ALG8: variants seen among roughly 807,000 people sequenced by gnomAD.
ALG8 encodes the protein dolichyl pyrophosphate Glc1Man9GlcNAc2 alpha-1,3-glucosyltransferase.
In ALG8, 48 loss-of-function variants were observed where a neutral mutation model predicts 70.2. That is an observed-to-expected ratio of 0.68 (90% confidence interval 0.54 to 0.87). The LOEUF is 0.87. Among genes scored for constraint, ALG8 ranks in the 40% least tolerant of loss-of-function variants. ALG8 has a pLI of 0.00. For missense variants in ALG8, 572 were observed against 608.7 expected, an observed-to-expected ratio of 0.94 and a Z score of 0.64; for synonymous variants, 234 against 229.0, an observed-to-expected ratio of 1.02 and a Z score of -0.20.
intron 1 of ALG8, among the ~76,000 whole-genome samples, chr11:78,133,900 CAAA>C (rs59434881): frequency 7.8e-6 from 1 of 127,740 alleles, no homozygotes; most frequent in Non-Finnish European, 1.7e-5. Context: ...GACTCCGTCT[CAAA>C]AAAAAAAAAA....
chr11:78,111,853 T>C (rs1210525334), intron 8 of ALG8, among the ~76,000 whole-genome samples: 1 of 152,228 alleles, frequency 6.6e-6, no homozygotes, highest in Non-Finnish European at 1.5e-5. Flanking sequence ...GACCCAATTT[T>C]AAAAACCATA....
Position 78,132,682 on chromosome 11 carries a change from C to T in ALG8, c.96-5246G>A, listed in dbSNP as rs116499079. Among the ~76,000 whole-genome samples, 683 of 152,214 alleles carry T rather than the reference C, an allele frequency of 4.5e-3. 6 individuals are homozygous for T. Among genetic ancestry groups the T allele is most frequent in the African/African-American group, 0.016 (666 of 41,522 alleles). On this transcript the variant is annotated intron_variant, in intron 1 of 12. Transcript: ENST00000299626. The stretch of plus-strand genomic sequence containing the variant: ...TGCTCTTTCAGATAAGTTCTACACA[C>T]TTGCACACACCACATACTCTGCATG...
chr11:78,117,416 A>G (rs1358828656), intron 5 of ALG8, among the ~76,000 whole-genome samples: 1 of 152,094 alleles, frequency 6.6e-6, no homozygotes, highest in Non-Finnish European at 1.5e-5. Context: ...ACTCAATAAG[A>G]TATATGTAAG....
intron 8 of ALG8, chr11:78,112,320 G>T (rs756921245): frequency 1.2e-5 from 4 of 341,552 alleles, no homozygotes; most frequent in South Asian, 7.3e-5. Context: ...GAGAAGGGGG[G>T]AAAAAAAGCA....
intron 12 of ALG8, among the ~76,000 whole-genome samples, chr11:78,101,678 C>T (rs554385907): frequency 1.0e-3 from 152 of 151,998 alleles, no homozygotes; most frequent in African/African-American, 3.4e-3. Context: ...TAATTATATA[C>T]GTTATATTAT....
intron 1 of ALG8, among the ~76,000 whole-genome samples, chr11:78,136,053 C>G (rs567431489): frequency 2.6e-4 from 40 of 151,986 alleles, no homozygotes; most frequent in Middle Eastern, 3.4e-3. Context: ...ACCTGTAGTT[C>G]AAGCTACTTG....
intron 2 of ALG8, among the ~76,000 whole-genome samples, chr11:78,126,115 C>T (rs929481729): frequency 9.4e-5 from 14 of 148,942 alleles, no homozygotes; most frequent in African/African-American, 2.7e-4. Flanking sequence ...GCAGAGATCG[C>T]GCCACTGCAC....
At position 78,112,647 on chromosome 11, in the gene ALG8, T is replaced by C. The variant is rs1284205914; in HGVS notation, c.898+3A>G. The C allele has an allele frequency of 2.5e-6, 4 of 1,613,352 alleles. No individual in the cohort carries two copies. Among genetic ancestry groups the C allele is most frequent in the African/African-American group, 1.3e-5 (1 of 74,870 alleles). On this transcript the variant is annotated splice_donor_region_variant and intron_variant, in intron 8 of 12. Transcript: ENST00000299626. ...TCTGAGTAAAAAATGCTCGCTACCA[T>C]ACCGATGACAGACAGCACTTTGTCC...
In ALG8 at chr11:78,138,274, G is replaced by A. The variant is rs376845248; in HGVS notation, c.95+1220C>T. Among the ~76,000 whole-genome samples the A allele has an allele frequency of 1.3e-4, 20 of 151,794 alleles. No homozygotes were observed. In the East Asian group the frequency reaches 3.7e-3, roughly 28 times the overall value. On this transcript the variant is annotated intron_variant, in intron 1 of 12. Transcript: ENST00000299626. ...TGAGGCAGGAGAATCGTTTGAACCC[G>A]GGAGGCAGAGGTTGCAGTAAGCTGA... is the stretch of plus-strand genomic sequence containing the variant.
chr11:78,132,101 GTTCT>G (rs1171214943), intron 1 of ALG8, among the ~76,000 whole-genome samples: 1 of 152,102 alleles, frequency 6.6e-6, no homozygotes, highest in Non-Finnish European at 1.5e-5. Context: ...TGTGAGGTAG[GTTCT>G]TTAACTCTTA....
At chr11:78,114,716 A>G (rs1860479917) in intron 5 of ALG8, 2 of 441,712 alleles carry the variant, frequency 4.5e-6, no homozygotes, top group Non-Finnish European at 8.8e-6. Flanking sequence ...CTGCAATCCC[A>G]GCACTTTGGT....
chr11:78,118,615 CAAAAAAAAA>C (rs60253317), intron 5 of ALG8, among the ~76,000 whole-genome samples: 1 of 88,124 alleles, frequency 1.1e-5, no homozygotes, highest in Non-Finnish European at 2.2e-5. Context: ...GACTCATTCT[CAAAAAAAAA>C]AAAAAAAAAA....
chr11:78,106,528 T>A (rs899530864), intron 10 of ALG8, among the ~76,000 whole-genome samples: 1 of 152,118 alleles, frequency 6.6e-6, no homozygotes, highest in African/African-American at 2.4e-5. Flanking sequence ...ATACTGTCCC[T>A]CAATGATCAG....
chr11:78,130,348 C>CAAAAAAAAAAAAAAAAAAAAAGA (rs1174378754), intron 1 of ALG8, among the ~76,000 whole-genome samples: 1 of 49,180 alleles, frequency 2.0e-5, no homozygotes, highest in African/African-American at 1.2e-4. Context: ...GACCCGGTCT[C>CAAAAAAAAAAAAAAAAAAAAAGA]AAAAAAAAAA....
At chr11:78,129,271 T>C (rs1334805099) in intron 1 of ALG8, among the ~76,000 whole-genome samples, 3 of 151,662 alleles carry the variant, frequency 2.0e-5, no homozygotes, top group Admixed American at 6.6e-5. Flanking sequence ...ATATAAAAAA[T>C]TAGCTGGGTG....
At position 78,136,511 on chromosome 11, in the gene ALG8, T is replaced by G. The variant is rs76411052; in HGVS notation, c.95+2983A>C. Among the ~76,000 whole-genome samples the G allele has an allele frequency of 3.1e-3, 470 of 152,150 alleles. 3 individuals are homozygous for G. The highest frequency in any genetic ancestry group is 0.011 in the African/African-American group (452 of 41,514). On this transcript the variant is annotated intron_variant, in intron 1 of 12. Coordinates refer to ENST00000299626, the MANE Select transcript of ALG8 (RefSeq NM_024079.5). ...ATGATGGTGCCGCTGTACTTCACCC[T>G]GGGAGATAGAGCGAGACCCTGCCTC...
intron 7 of ALG8, among the ~76,000 whole-genome samples, 176 bp downstream of exon 7, chr11:78,113,710 C>CT (rs1860410843): frequency 1.3e-5 from 1 of 76,726 alleles, no homozygotes; most frequent in South Asian, 4.0e-4. Context: ...GAGACTCCAT[C>CT]TTAAACAAAA....
In ALG8 at chr11:78,124,037, C is replaced by CA; in HGVS notation, c.351dup (p.Val118CysfsTer6). On this transcript the variant is annotated frameshift_variant, in exon 3 of 13. Transcript: ENST00000299626. LOFTEE classifies it high-confidence loss of function. Reference sequence around the variant, plus strand: ...CAGACTTACTCACGGACAGCATACACAAAGAGTACATCCATAAAGATGACG... The same window carrying CA: ...CAGACTTACTCACGGACAGCATACACAAAAGAGTACATCCATAAAGATGACG... 1.2e-6 allele frequency: 2 copies of CA among 1,614,058 alleles called. No individual in the cohort carries two copies. The highest frequency in any genetic ancestry group is 1.7e-6 in the Non-Finnish European group (2 of 1,180,006).
chr11:78,112,316 G>T (rs1028513693), intron 8 of ALG8: 3 of 341,464 alleles, frequency 8.8e-6, no homozygotes, highest in East Asian at 7.5e-5. Context: ...TGGTGAGAAG[G>T]GGGGAAAAAA....
Sources: gnomAD v4.1 joint callset for allele counts (sites outside exome capture counted in the v4.1 genomes callset) on GRCh38, gnomAD v4.1.1 for gene constraint, MANE v1.5 for transcripts, NCBI Gene and HGNC (gene_info 2026-07-23, HGNC 2026-07-21) for gene names.